The following KCNV2 variants were observed in gnomAD, a reference collection of about 807,000 sequenced individuals.
KCNV2 encodes potassium voltage-gated channel modifier subfamily V member 2, also known as potassium voltage-gated channel subfamily V member 2.
KCNV2 carries 65 observed loss-of-function variants against 37.0 expected under a neutral mutation model. The ratio of observed to expected loss-of-function variants is 1.76; its 90% CI spans 1.44 to 2.16. The LOEUF (loss-of-function observed/expected upper bound fraction) is 2.16, where lower values mean the gene tolerates loss of function less well. Among genes scored for constraint, KCNV2 ranks in the 30% most tolerant of loss-of-function variants. The pLI is 0.00. For synonymous variants in KCNV2, 518 were observed against 328.6 expected, an observed-to-expected ratio of 1.58 and a Z score of -6.23; for missense variants, 1,232 against 766.7, an observed-to-expected ratio of 1.61 and a Z score of -7.17.
At chr9:2,723,503 C>G (rs1485929732) in intron 1 of KCNV2, among the ~76,000 whole-genome samples, 1 of 152,174 alleles carries the variant, frequency 6.6e-6, no homozygotes, top group Non-Finnish European at 1.5e-5. Context: ...TACAAATGCT[C>G]ATGTATTAGG....
At position 2,719,056 on chromosome 9, in the gene KCNV2, C is replaced by T. The variant is rs968160228; in HGVS notation, c.1317C>T (p.Thr439=). 9.9e-6 allele frequency: 16 copies of T among 1,612,228 alleles called. No individual in the cohort carries two copies. In the African/African-American group the frequency reaches 2.1e-4, roughly 22 times the overall value. The change falls in exon 1 of 2, where the codon ACC becomes ACT. Residue 439 remains threonine (T), a synonymous_variant. Transcript: ENST00000382082. ...CTGTGGAGCACGATGTGCCCAGCAC[C>T]AACTTCACTACCATCCCCCACTCCT... The part of the protein sequence containing the change: ...VYSVEHDVPS[T]NFTTIPHSWW...
rs1342075631 is a variant in KCNV2 at position 2,718,113 on chromosome 9, G to A, written c.374G>A (p.Arg125His). The change falls in exon 1 of 2, where the codon CGC becomes CAC. Residue 125 changes from arginine (R) to histidine (H), a missense_variant. Physicochemically the swap from Arg to His is conservative, Grantham distance 29. Coordinates refer to ENST00000382082, the MANE Select transcript of KCNV2 (RefSeq NM_133497.4). ...LAGFPKTRLG[R>H]LATSTSRSRQ... ...GGCTTCCCCAAGACGCGCCTAGGTCGCCTGGCCACCTCCACCAGCCGCAGC... is the reference window on the plus strand; with the variant it reads ...GGCTTCCCCAAGACGCGCCTAGGTCACCTGGCCACCTCCACCAGCCGCAGC... The A allele has an allele frequency of 1.2e-5, 19 of 1,600,428 alleles. No homozygotes were observed. Among genetic ancestry groups the A allele is most frequent in the East Asian group, 4.5e-5 (2 of 44,358 alleles).
intron 1 of KCNV2, among the ~76,000 whole-genome samples, chr9:2,725,598 C>G (rs902985511): frequency 2.0e-5 from 3 of 152,216 alleles, no homozygotes; most frequent in African/African-American, 7.2e-5. Context: ...TAAGTACAGC[C>G]TTTGAAGCTG....
rs748180390 is a variant in KCNV2, at chr9:2,719,087, T to A, written c.1348T>A (p.Trp450Arg). 4 of 1,609,612 alleles carry A rather than the reference T, an allele frequency of 2.5e-6. No homozygotes were observed. The highest frequency in any genetic ancestry group is 3.4e-6 in the Non-Finnish European group (4 of 1,179,986). The part of the protein sequence containing the change: ...NFTTIPHSWW[W>R]AAVSISTVGY... ...CACTACCATCCCCCACTCCTGGTGG[T>A]GGGCCGCGGTGAGTACCTTTGCCCT... The change falls in exon 1 of 2, where the codon TGG (tryptophan) becomes AGG (arginine). Residue 450 changes from tryptophan to arginine, a missense_variant. Coordinates refer to ENST00000382082, the MANE Select transcript of KCNV2 (RefSeq NM_133497.4).
At chr9:2,729,364 G>T in intron 1 of KCNV2, 82 bp from the exon 2 acceptor site, 1 of 1,494,184 alleles carries the variant, frequency 6.7e-7, no homozygotes, top group South Asian at 1.1e-5. Context: ...CAGGGAGGAC[G>T]CTTCCCTGCT....
intron 1 of KCNV2, among the ~76,000 whole-genome samples, chr9:2,724,653 C>G (rs1819941318): frequency 6.6e-6 from 1 of 152,170 alleles, no homozygotes; most frequent in South Asian, 2.1e-4. Flanking sequence ...GAGGCTGATG[C>G]CAGGAATGCC....
chr9:2,722,612 A>G (rs960499784), intron 1 of KCNV2, among the ~76,000 whole-genome samples: 15 of 149,666 alleles, frequency 1.0e-4, no homozygotes, highest in African/African-American at 3.0e-4. Context: ...TAAATAAATT[A>G]GAAGTTATTT....
chr9:2,729,782 CT>C lies in KCNV2; in HGVS notation c.*62del. On this transcript the variant is annotated 3_prime_UTR_variant, in exon 2 of 2. Coordinates refer to ENST00000382082, the MANE Select transcript of KCNV2 (RefSeq NM_133497.4). Reference sequence around the variant, plus strand: ...CCATGAACTTCAAGGCTTCATTGCTCTTTTTTTAATCATTATGATTGGCAGC... The same window carrying C: ...CCATGAACTTCAAGGCTTCATTGCTCTTTTTTAATCATTATGATTGGCAGC... 1.3e-6 allele frequency: 2 copies of C among 1,556,002 alleles called. No homozygotes were observed. Among genetic ancestry groups the C allele is most frequent in the Non-Finnish European group, 8.9e-7 (1 of 1,127,950 alleles).
At chr9:2,726,135 C>A (rs1367632326) in intron 1 of KCNV2, among the ~76,000 whole-genome samples, 2 of 152,136 alleles carry the variant, frequency 1.3e-5, no homozygotes, top group African/African-American at 2.4e-5. Flanking sequence ...TTGGGTCAGT[C>A]TGGGGCCTTC....
At chr9:2,723,963 CTT>C (rs35077369) in intron 1 of KCNV2, among the ~76,000 whole-genome samples, 86 of 116,404 alleles carry the variant, frequency 7.4e-4, no homozygotes, top group African/African-American at 1.2e-3. Flanking sequence ...TTTTCTTTTA[CTT>C]TTTTTTTTTT....
At chr9:2,726,115 G>C (rs186779954) in intron 1 of KCNV2, among the ~76,000 whole-genome samples, 1 of 152,140 alleles carries the variant, frequency 6.6e-6, no homozygotes, top group African/African-American at 2.4e-5. Context: ...AACTCATTCT[G>C]TGAGGTCACT....
intron 1 of KCNV2, among the ~76,000 whole-genome samples, chr9:2,728,665 C>A (rs1034838813): frequency 2.6e-5 from 4 of 152,116 alleles, no homozygotes; most frequent in African/African-American, 9.7e-5. Context: ...CTCCAGACAT[C>A]TGCAATTAAA....
rs764249096 is a variant in KCNV2 at position 2,718,265 on chromosome 9, C to T, written c.526C>T (p.Leu176=). Residue 176 remains leucine, a synonymous_variant, in exon 1 of 2, where the codon CTG becomes TTG. Transcript: ENST00000382082. ...LSGVLLVLDG[L]CPRRFLEELG... ...CGGGGTGCTGCTGGTGCTCGACGGG[C>T]TGTGTCCGCGCCGCTTCCTGGAGGA... 9 of 1,612,644 alleles carry T rather than the reference C, an allele frequency of 5.6e-6. No individual in the cohort carries two copies. The South Asian group carries it at 7.7e-5, about 14-fold the overall frequency.
intron 1 of KCNV2, among the ~76,000 whole-genome samples, chr9:2,725,664 T>A (rs1222148854): frequency 6.6e-6 from 1 of 152,206 alleles, no homozygotes; most frequent in Non-Finnish European, 1.5e-5. Context: ...CCAAAAAAGA[T>A]CCATCTTCAC....
intron 1 of KCNV2, among the ~76,000 whole-genome samples, chr9:2,724,293 T>G (rs1819933778): frequency 1.3e-5 from 2 of 152,324 alleles, no homozygotes; most frequent in South Asian, 4.1e-4. Context: ...AGGTGGCACT[T>G]ACAAGATCAC....
At chr9:2,722,655 A>G (rs1819900268) in intron 1 of KCNV2, among the ~76,000 whole-genome samples, 1 of 151,810 alleles carries the variant, frequency 6.6e-6, no homozygotes. Flanking sequence ...CTTTATTGCC[A>G]TAATAACGAT....
At chr9:2,719,489 C>G (rs1434296594) in intron 1 of KCNV2, among the ~76,000 whole-genome samples, 1 of 151,466 alleles carries the variant, frequency 6.6e-6, no homozygotes, top group East Asian at 1.9e-4. Context: ...TTTAAGGGGA[C>G]AAGCAGAAAT....
At chr9:2,723,886 A>T (rs1819924719) in intron 1 of KCNV2, among the ~76,000 whole-genome samples, 1 of 151,832 alleles carries the variant, frequency 6.6e-6, no homozygotes. Context: ...TGCACGGCAC[A>T]GCTAAACAAG....
rs770502498 is a variant in KCNV2, at chr9:2,718,531, G to A, written c.792G>A (p.Val264=). The A allele has an allele frequency of 9.9e-6, 16 of 1,611,488 alleles. No homozygotes were observed. The highest frequency in any genetic ancestry group is 1.4e-5 in the Non-Finnish European group (16 of 1,179,308). Residue 264 remains valine, a synonymous_variant, in exon 1 of 2, where the codon GTG becomes GTA. Transcript: ENST00000382082. ...CGGTGGCCGCCAAGGCCATCGGGGT[G>A]GCCTCCAGCACCTTCGTGCTCGTCT... The part of the protein sequence containing the change: ...FSSVAAKAIG[V]ASSTFVLVSV...
Sources: gnomAD v4.1 joint callset for allele counts (sites outside exome capture counted in the v4.1 genomes callset) on GRCh38, gnomAD v4.1.1 for gene constraint, MANE v1.5 for transcripts, NCBI Gene and HGNC (gene_info 2026-07-23, HGNC 2026-07-21) for gene names.